Variants in ITK observed in about 807,000 individuals in gnomAD.
ITK encodes the protein tyrosine-protein kinase ITK/TSK.
A neutral mutation model predicts 87.6 loss-of-function variants in ITK; 45 were observed. The observed-to-expected ratio is 0.51, with a 90% CI of 0.40 to 0.66. The LOEUF is 0.66. ITK is among the 30% of genes least tolerant of loss of function. The pLI, the probability that ITK is intolerant of heterozygous loss-of-function variation, is 0.00. For missense variants in ITK, 605 were observed against 766.3 expected (o/e 0.79, Z 2.48); for synonymous variants, 303 against 273.6 (o/e 1.11, Z -1.06).
intron 1 of ITK, among the ~76,000 whole-genome samples, chr5:157,207,105 G>A (rs1242939345): frequency 1.3e-5 from 2 of 151,958 alleles, no homozygotes; most frequent in Admixed American, 1.3e-4. Context: ...ATATAACCAT[G>A]GTCATCTGAA....
intron 7 of ITK, among the ~76,000 whole-genome samples, chr5:157,231,896 T>C (rs1489743139): frequency 6.6e-6 from 1 of 152,240 alleles, no homozygotes; most frequent in Non-Finnish European, 1.5e-5. Context: ...GGTATTACAA[T>C]TTTATAGCTG....
chr5:157,189,224 G>T (rs73814025), intron 1 of ITK, among the ~76,000 whole-genome samples: 5 of 152,142 alleles, frequency 3.3e-5, no homozygotes, highest in African/African-American at 1.2e-4. Flanking sequence ...GGAGATAACC[G>T]TTGTATTGAT....
intron 1 of ITK, chr5:157,199,175 T>C (rs1288971251): frequency 6.6e-6 from 1 of 152,232 alleles, no homozygotes; most frequent in Non-Finnish European, 1.5e-5. Context: ...GTTGAGACAC[T>C]TGCCTCAGGT....
rs553773191 is a variant in ITK, at chr5:157,184,315, C to T, written c.138+3200C>T. 7.0e-4 allele frequency among the ~76,000 whole-genome samples: 106 copies of T among 152,250 alleles called. 1 individual carries two copies. Among genetic ancestry groups the T allele is most frequent in the Non-Finnish European group, 1.2e-3 (80 of 68,028 alleles). Reference sequence around the variant, plus strand: ...TTTGGTGTAAATATTCCCATCATGGCCCATTTTAAACTACCAATGTGATGT... The same window carrying T: ...TTTGGTGTAAATATTCCCATCATGGTCCATTTTAAACTACCAATGTGATGT... On this transcript the variant is annotated intron_variant, in intron 1 of 16. Coordinates refer to ENST00000422843, the MANE Select transcript of ITK (RefSeq NM_005546.4).
At chr5:157,244,991 C>T (rs1254297034) in intron 13 of ITK, 6 of 176,472 alleles carry the variant, frequency 3.4e-5, no homozygotes, top group Admixed American at 5.4e-5. Flanking sequence ...TTTGGGAGGC[C>T]GAGGTGGGCG....
At chr5:157,244,501 C>T (rs1220570444) in intron 13 of ITK, 23 bp downstream of exon 13, 3 of 1,346,452 alleles carry the variant, frequency 2.2e-6, no homozygotes, top group Middle Eastern at 1.8e-4. Context: ...AGGGTGAACA[C>T]CCACAGGTCC....
intron 6 of ITK, among the ~76,000 whole-genome samples, chr5:157,226,965 G>A (rs1331799892): frequency 6.6e-6 from 1 of 151,986 alleles, no homozygotes; most frequent in African/African-American, 2.4e-5. Flanking sequence ...GACTACAGGT[G>A]CATGCCACCA....
rs199870150 is a variant in ITK at position 157,238,085 on chromosome 5, T to C, written c.769-24T>C. ...GCCTGGTTTCCTGAGATCACTAACT[T>C]TCCATTCTTTCTAACCATTCCAGGG... On this transcript the variant is annotated intron_variant, in intron 8 of 16. Coordinates refer to ENST00000422843, the MANE Select transcript of ITK (RefSeq NM_005546.4). 8.8e-6 allele frequency: 14 copies of C among 1,585,418 alleles called. No homozygotes were observed. The East Asian group carries it at 3.1e-4, about 35-fold the overall frequency.
chr5:157,219,667 G>C (rs888020003), intron 5 of ITK, among the ~76,000 whole-genome samples: 4 of 152,194 alleles, frequency 2.6e-5, no homozygotes, highest in Non-Finnish European at 4.4e-5. Flanking sequence ...AACTGTAGCA[G>C]AGAATGAGCT....
rs559045133 is a variant in ITK, at chr5:157,239,441, C to T, written c.852-621C>T. Among the ~76,000 whole-genome samples, 3 of 152,296 alleles carry T rather than the reference C, an allele frequency of 2.0e-5. No homozygotes were observed. In the South Asian group the frequency reaches 6.2e-4, roughly 32 times the overall value. On this transcript the variant is annotated intron_variant, in intron 9 of 16. Transcript: ENST00000422843. Reference sequence around the variant, plus strand: ...CCAAGGCTTTTATTGGAGGCTGTTTCCACAGACAGCCCCTGCCTAGCACAT... The same window carrying T: ...CCAAGGCTTTTATTGGAGGCTGTTTTCACAGACAGCCCCTGCCTAGCACAT...
intron 11 of ITK, 103 bp downstream of exon 11, chr5:157,241,823 C>T (rs1561663861): frequency 1.0e-5 from 8 of 777,790 alleles, no homozygotes; most frequent in African/African-American, 1.7e-5. Context: ...CTACAAATCA[C>T]CATTAAAACA....
chr5:157,201,344 C>G (rs1439513632), intron 1 of ITK, among the ~76,000 whole-genome samples: 2 of 141,596 alleles, frequency 1.4e-5, no homozygotes, highest in Non-Finnish European at 1.5e-5. Flanking sequence ...GTCACCCAGG[C>G]TGGAGTACAG....
In ITK at chr5:157,222,861, A is replaced by G; in HGVS notation, c.496-2A>G. The G allele has an allele frequency of 1.9e-6, 3 of 1,614,012 alleles. No homozygotes were observed. The highest frequency in any genetic ancestry group is 2.5e-6 in the Non-Finnish European group (3 of 1,179,996). ...CTTGGTTTTGTTGTCTCTCTTCCCCAGCGACCACTTTGGGAACCTGAAGAA... is the reference window on the plus strand; with the variant it reads ...CTTGGTTTTGTTGTCTCTCTTCCCCGGCGACCACTTTGGGAACCTGAAGAA... On this transcript the variant is annotated splice_acceptor_variant, in intron 5 of 16. Coordinates refer to ENST00000422843, the MANE Select transcript of ITK (RefSeq NM_005546.4). LOFTEE classifies it high-confidence loss of function.
chr5:157,194,015 C>T (rs151180305), intron 1 of ITK, among the ~76,000 whole-genome samples: 1 of 152,094 alleles, frequency 6.6e-6, no homozygotes, highest in Admixed American at 6.5e-5. Flanking sequence ...AGCAATGGAG[C>T]TACGAGGACG....
chr5:157,243,115 ATTTG>A (rs1754946909), intron 11 of ITK, among the ~76,000 whole-genome samples: 1 of 152,192 alleles, frequency 6.6e-6, no homozygotes, highest in African/African-American at 2.4e-5. Context: ...GGAATCTCGT[ATTTG>A]TTTGTTAAAC....
intron 1 of ITK, among the ~76,000 whole-genome samples, chr5:157,188,156 T>G (rs1753683364): frequency 6.6e-6 from 1 of 152,174 alleles, no homozygotes; most frequent in African/African-American, 2.4e-5. Flanking sequence ...CATTGAGCAG[T>G]CATGGGCTCT....
chr5:157,186,682 A>AGAGAG (rs1753649703), intron 1 of ITK, among the ~76,000 whole-genome samples: 6 of 148,552 alleles, frequency 4.0e-5, no homozygotes, highest in African/African-American at 1.5e-4. Flanking sequence ...GTCTCAAAAA[A>AGAGAG]AGAGAGAGAG....
In ITK at chr5:157,245,919, C is replaced by A; in HGVS notation, c.1553C>A (p.Thr518Asn). The A allele has an allele frequency of 6.2e-7, 1 of 1,614,204 alleles. No individual in the cohort carries two copies. The highest frequency in any genetic ancestry group is 8.5e-7 in the Non-Finnish European group (1 of 1,180,012). Reference protein sequence around the residue: ...LDDQYTSSTGTKFPVKWASPE... With the variant: ...LDDQYTSSTGNKFPVKWASPE... ...GATCAGTACACCAGTTCCACAGGCA[C>A]CAAATTCCCGGTGAAGTGGGCATCC... Residue 518 changes from threonine (T) to asparagine (N), a missense_variant, in exon 15 of 17, where the codon ACC (threonine) becomes AAC (asparagine). Thr to Asn is a moderately conservative substitution (Grantham distance 65). Around this residue, in one of 3 missense-constraint regions of ITK, gnomAD observed 70 missense variants for 122.5 expected, o/e 0.57. Coordinates refer to ENST00000422843, the MANE Select transcript of ITK (RefSeq NM_005546.4).
chr5:157,189,963 C>G (rs1408385587), intron 1 of ITK, among the ~76,000 whole-genome samples: 2 of 152,158 alleles, frequency 1.3e-5, no homozygotes, highest in Non-Finnish European at 2.9e-5. Flanking sequence ...TTGGGTTTGG[C>G]TTCATGACAC....
Sources: gnomAD v4.1 joint callset for allele counts (sites outside exome capture counted in the v4.1 genomes callset) on GRCh38, gnomAD v4.1.1 for gene constraint, gnomAD v4.1.1 regional missense constraint, MANE v1.5 for transcripts, NCBI Gene and HGNC (gene_info 2026-07-23, HGNC 2026-07-21) for gene names.